EPB41L5: variants seen among roughly 807,000 people sequenced by gnomAD.
EPB41L5 encodes the protein erythrocyte membrane protein band 4.1 like 5, also known as band 4.1-like protein 5.
EPB41L5 carries 55 observed loss-of-function variants against 106.6 expected under a neutral mutation model. The ratio of observed to expected loss-of-function variants is 0.52; its 90% CI spans 0.42 to 0.65. The LOEUF (loss-of-function observed/expected upper bound fraction) is 0.65, where lower values mean the gene tolerates loss of function less well. Ranked by LOEUF, EPB41L5 falls within the 30% of genes least tolerant of loss-of-function variation. EPB41L5 has a pLI of 0.00. For missense variants in EPB41L5, 871 were observed against 882.1 expected, an observed-to-expected ratio of 0.99 and a Z score of 0.16; for synonymous variants, 297 against 306.7, an observed-to-expected ratio of 0.97 and a Z score of 0.33.
intron 24 of EPB41L5, among the ~76,000 whole-genome samples, chr2:120,173,715 C>G (rs1400670561): frequency 6.6e-6 from 1 of 152,192 alleles, no homozygotes; most frequent in African/African-American, 2.4e-5. Flanking sequence ...CAGTGTCTCT[C>G]TCCATTACCT....
intron 4 of EPB41L5, among the ~76,000 whole-genome samples, chr2:120,073,617 A>G (rs1278146968): frequency 1.3e-5 from 2 of 152,236 alleles, no homozygotes; most frequent in Non-Finnish European, 2.9e-5. Flanking sequence ...TGTTAGTGTC[A>G]TTCAGAGAGA....
At chr2:120,021,627 C>T (rs913079632) in intron 2 of EPB41L5, among the ~76,000 whole-genome samples, 6 of 152,056 alleles carry the variant, frequency 3.9e-5, no homozygotes, top group Non-Finnish European at 2.9e-5. Context: ...GGTGACAGTG[C>T]GAGACTCCAT....
At chr2:120,027,900 C>T (rs950455197) in intron 2 of EPB41L5, among the ~76,000 whole-genome samples, 2 of 151,976 alleles carry the variant, frequency 1.3e-5, no homozygotes, top group East Asian at 3.9e-4. Context: ...GAGTTTCACT[C>T]TTGTTAGGCT....
chr2:120,019,223 G>A lies in EPB41L5; in HGVS notation c.139G>A (p.Val47Met). 1.2e-6 allele frequency: 2 copies of A among 1,613,972 alleles called. No homozygotes were observed. Among genetic ancestry groups the A allele is most frequent in the South Asian group, 1.1e-5 (1 of 91,064 alleles). The change falls in exon 2 of 25, where the codon GTG (valine) becomes ATG (methionine). Residue 47 changes from valine (V) to methionine (M), a missense_variant. By Grantham distance (21) the Val-to-Met change is conservative (BLOSUM62 1). Transcript: ENST00000263713. ...TTCTAAGTCCATCATCACGTGTCGG[G>A]TGTCCCTTCTGGATGGTACTGATGT... ...GDSKSIITCR[V>M]SLLDGTDVSV...
rs568926470 is a variant in EPB41L5 at position 120,025,748 on chromosome 2, G to A, written c.180+6484G>A. Among the ~76,000 whole-genome samples the A allele has an allele frequency of 1.9e-4, 29 of 152,310 alleles. No individual in the cohort carries two copies. In the South Asian group the frequency reaches 2.7e-3, roughly 14 times the overall value. On this transcript the variant is annotated intron_variant, in intron 2 of 24. Coordinates refer to ENST00000263713, the MANE Select transcript of EPB41L5 (RefSeq NM_020909.4). ...GATGCATTCAGTGCAGTCCCCATGA[G>A]AATTCCAGCTGACCTATAGTTGTAG...
intron 14 of EPB41L5, among the ~76,000 whole-genome samples, chr2:120,097,888 A>G (rs1203369974): frequency 6.6e-6 from 1 of 152,192 alleles, no homozygotes; most frequent in Non-Finnish European, 1.5e-5. Context: ...TTCAATTAAC[A>G]TCACTTATAA....
rs771648230 is a variant in EPB41L5, at chr2:120,100,292, A to G, written c.1221+6A>G. On this transcript the variant is annotated splice_donor_region_variant and intron_variant, in intron 15 of 24. Coordinates refer to ENST00000263713, the MANE Select transcript of EPB41L5 (RefSeq NM_020909.4). ...AAAGTAATGGCTCCCAACAGGTAAG[A>G]CAATACTAAGCTTCTAAAACACTGG... The G allele has an allele frequency of 6.2e-7, 1 of 1,612,396 alleles. No individual in the cohort carries two copies. Among genetic ancestry groups the G allele is most frequent in the East Asian group, 2.2e-5 (1 of 44,776 alleles).
intron 18 of EPB41L5, among the ~76,000 whole-genome samples, chr2:120,136,932 T>A (rs1249430968): frequency 6.6e-6 from 1 of 152,020 alleles, no homozygotes; most frequent in Non-Finnish European, 1.5e-5. Flanking sequence ...TACATTCTTG[T>A]CCTCAGCGCA....
rs1687905800 is a variant in EPB41L5 at position 120,175,951 on chromosome 2, T to C, written c.*1044T>C. The C allele has an allele frequency of 6.6e-6, 1 of 152,318 alleles. No individual in the cohort carries two copies. The highest frequency in any genetic ancestry group is 6.5e-5 in the Admixed American group (1 of 15,274). The allele number at this position is 152,318 out of a possible 1,614,324, so 9.4% of individuals were successfully genotyped here. ...GATGTTGTTTCTTAAATACCTACCA[T>C]GTATGAAGCTATACACAGCATATAC... On this transcript the variant is annotated 3_prime_UTR_variant, in exon 25 of 25. Transcript: ENST00000263713.
At chr2:120,168,334 GATGA>G (rs1371952872) in intron 24 of EPB41L5, among the ~76,000 whole-genome samples, 1 of 152,164 alleles carries the variant, frequency 6.6e-6, no homozygotes, top group Non-Finnish European at 1.5e-5. Context: ...CTGTAATAGT[GATGA>G]ATGATGGTGC....
chr2:120,046,501 GTTGT>G (rs1238968740), intron 3 of EPB41L5, among the ~76,000 whole-genome samples: 3 of 148,262 alleles, frequency 2.0e-5, no homozygotes, highest in Non-Finnish European at 4.5e-5. Context: ...TTTTGATGGG[GTTGT>G]TTTTTTTTTT....
intron 16 of EPB41L5, among the ~76,000 whole-genome samples, chr2:120,123,493 C>T (rs1017115395): frequency 2.0e-5 from 3 of 152,048 alleles, no homozygotes; most frequent in Admixed American, 6.6e-5. Flanking sequence ...ATTTCTAGCT[C>T]ATCATTTATA....
intron 17 of EPB41L5, among the ~76,000 whole-genome samples, chr2:120,128,473 T>C (rs562714900): frequency 1.2e-3 from 181 of 152,338 alleles, no homozygotes; most frequent in African/African-American, 4.2e-3. Context: ...TTGATTTCTA[T>C]TGGAGGCTAA....
At position 120,100,248 on chromosome 2, in the gene EPB41L5, C is replaced by G. The variant is rs758514365; in HGVS notation, c.1183C>G (p.His395Asp). Reference protein sequence around the residue: ...CATKPEELSVHNNVSTQSNGS... With the variant: ...CATKPEELSVDNNVSTQSNGS... ...GATTTTTTTTTCCCATTACAGTGTT[C>G]ACAATAATGTTTCGACCCAAAGTAA... Residue 395 changes from histidine (H) to aspartate (D), a missense_variant, in exon 15 of 25, where the codon CAC (histidine) becomes GAC (aspartate). By Grantham distance (81) the His-to-Asp change is moderately conservative. Transcript: ENST00000263713. 13 of 1,612,602 alleles carry G rather than the reference C, an allele frequency of 8.1e-6. No individual in the cohort carries two copies. In the African/African-American group the frequency reaches 1.2e-4, roughly 15 times the overall value.
chr2:120,142,787 A>G (rs575377996), intron 18 of EPB41L5, among the ~76,000 whole-genome samples: 2 of 152,234 alleles, frequency 1.3e-5, no homozygotes, highest in South Asian at 2.1e-4. Context: ...GTTTGCTACA[A>G]TTTTAGGTTA....
Position 120,074,192 on chromosome 2 carries a change from C to T in EPB41L5, c.407+14C>T, listed in dbSNP as rs1439990511. On this transcript the variant is annotated intron_variant, in intron 5 of 24. Transcript: ENST00000263713. Reference sequence around the variant, plus strand: ...GGAGCTAACCCGGTAAGAACACCATCTAGAATTGTGCCAGGGTTATTTTGA... The same window carrying T: ...GGAGCTAACCCGGTAAGAACACCATTTAGAATTGTGCCAGGGTTATTTTGA... 2 of 1,588,300 alleles carry T rather than the reference C, an allele frequency of 1.3e-6. No homozygotes were observed. Among genetic ancestry groups the T allele is most frequent in the East Asian group, 2.2e-5 (1 of 44,680 alleles).
At chr2:120,026,769 C>T (rs933090243) in intron 2 of EPB41L5, among the ~76,000 whole-genome samples, 4 of 152,112 alleles carry the variant, frequency 2.6e-5, no homozygotes, top group African/African-American at 9.7e-5. Context: ...ATTTAGCCTT[C>T]AAAGGAGACC....
chr2:120,104,747 C>T, intron 16 of EPB41L5: 1 of 909,566 alleles, frequency 1.1e-6, no homozygotes. Context: ...ATTTAAGTGC[C>T]TAAGATTTTA....
At chr2:120,166,375 C>T (rs368738476) in intron 22 of EPB41L5, among the ~76,000 whole-genome samples, 1 of 152,034 alleles carries the variant, frequency 6.6e-6, no homozygotes, top group African/African-American at 2.4e-5. Flanking sequence ...TTTTTGTTTA[C>T]TATTATTTAT....
Sources: allele counts gnomAD v4.1 joint callset (sites outside exome capture counted in the v4.1 genomes callset), GRCh38; gene constraint gnomAD v4.1.1; transcripts MANE v1.5; gene names NCBI Gene and HGNC (gene_info 2026-07-23, HGNC 2026-07-21).